PRAG1: variants seen among roughly 807,000 people sequenced by gnomAD.
The protein encoded by PRAG1 is PEAK1 related, kinase-activating pseudokinase 1.
In PRAG1, 110 loss-of-function variants were observed where a neutral mutation model predicts 95.6. That is an observed-to-expected ratio of 1.15 (90% CI 0.99 to 1.35). The LOEUF (loss-of-function observed/expected upper bound fraction) is 1.35, where lower values mean the gene tolerates loss of function less well. PRAG1 is among the 40% of genes most tolerant of loss of function. The pLI, the probability that PRAG1 is intolerant of heterozygous loss-of-function variation, is 0.00. For synonymous variants in PRAG1, 1,052 were observed against 819.4 expected, an observed-to-expected ratio of 1.28 and a Z score of -4.85; for missense variants, 2,554 against 1,864.7, an observed-to-expected ratio of 1.37 and a Z score of -6.81.
In PRAG1 at chr8:8,376,595, G is replaced by T; in HGVS notation, c.1814C>A (p.Ala605Asp). 2 of 1,604,954 alleles carry T rather than the reference G, an allele frequency of 1.2e-6. No homozygotes were observed. Among genetic ancestry groups the T allele is most frequent in the Non-Finnish European group, 1.7e-6 (2 of 1,174,534 alleles). Reference sequence around the variant, plus strand: ...GGGACACCTGGATGGGTCACTGATAGCGACACCGTTGGTCCGGCAGGAAGG... The same window carrying T: ...GGGACACCTGGATGGGTCACTGATATCGACACCGTTGGTCCGGCAGGAAGG... ...PAPSCRTNGV[A>D]ISDPSRCPQP... The change falls in exon 3 of 6, where the codon GCT becomes GAT. Residue 605 changes from alanine (A) to aspartate (D), a missense_variant. By Grantham distance (126) the Ala-to-Asp change is moderately radical. Coordinates refer to ENST00000615670, the MANE Select transcript of PRAG1 (RefSeq NM_001080826.3).
Position 8,318,984 on chromosome 8 carries a change from T to A in PRAG1, c.3391A>T (p.Asn1131Tyr). 1.2e-6 allele frequency: 2 copies of A among 1,613,372 alleles called. No homozygotes were observed. Among genetic ancestry groups the A allele is most frequent in the Non-Finnish European group, 1.7e-6 (2 of 1,179,776 alleles). The change falls in exon 6 of 6, where the codon AAC (asparagine) becomes TAC (tyrosine). Residue 1131 changes from asparagine to tyrosine, a missense_variant. Transcript: ENST00000615670. This position sits in a 1 kb window ranked among gnomAD's most constrained non-coding sequence, Gnocchi z 4.2. The part of the protein sequence containing the change: ...RVCFLLLQLC[N>Y]GLEHLKEHGI... ...TGCTCCTTCAGGTGCTCCAGCCCGT[T>A]GCAGAGTTGCAGAAGCAGGAAGCAC...
intron 5 of PRAG1, among the ~76,000 whole-genome samples, chr8:8,321,007 T>C (rs1425173278): frequency 6.6e-6 from 1 of 152,242 alleles, no homozygotes; most frequent in Non-Finnish European, 1.5e-5. Context: ...ACCCCAGACA[T>C]TGCTTCCTAT....
At chr8:8,384,528 T>A (rs1256798570) in intron 1 of PRAG1, among the ~76,000 whole-genome samples, 1 of 143,848 alleles carries the variant, frequency 7.0e-6, no homozygotes, top group Admixed American at 7.4e-5. Context: ...GCCCTGGGCT[T>A]CCCACTGTCA....
intron 1 of PRAG1, among the ~76,000 whole-genome samples, chr8:8,383,112 T>G (rs776967643): frequency 3.3e-4 from 50 of 152,236 alleles, no homozygotes; most frequent in Admixed American, 1.4e-3. Flanking sequence ...AGTTTGATAA[T>G]CTCTAAACTG....
rs142314265 is a variant in PRAG1, at chr8:8,345,484, C to A, written c.2163-5849G>T. ...TCTTCCAAAACACACGTAGGTGACC[C>A]TTTTGCTTAATAGCAAAATCTTAAG... On this transcript the variant is annotated intron_variant, in intron 3 of 5. Transcript: ENST00000615670. Among the ~76,000 whole-genome samples, 3 of 152,168 alleles carry A rather than the reference C, an allele frequency of 2.0e-5. No homozygotes were observed. In the East Asian group the frequency reaches 5.8e-4, roughly 29 times the overall value.
At chr8:8,338,598 A>G (rs1352436160) in intron 4 of PRAG1, among the ~76,000 whole-genome samples, 2 of 152,224 alleles carry the variant, frequency 1.3e-5, no homozygotes, top group African/African-American at 4.8e-5. Flanking sequence ...TTAAGTAAGA[A>G]CTGTCAGAGG....
intron 2 of PRAG1, 77 bp from the exon 3 acceptor site, chr8:8,378,155 G>A (rs996020183): frequency 6.8e-7 from 1 of 1,466,832 alleles, no homozygotes; most frequent in Non-Finnish European, 9.1e-7. Context: ...AAGTGAGAGG[G>A]AAGGGCAACG....
Position 8,318,997 on chromosome 8 carries a change from AAGC to A in PRAG1, c.3375_3377del (p.Leu1127del). On this transcript the variant is annotated inframe_deletion, in exon 6 of 6. Transcript: ENST00000615670. The surrounding 1 kb of genome is among the most constrained non-coding windows in gnomAD (Gnocchi z 4.2). ...GCTCCAGCCCGTTGCAGAGTTGCAG[AAGC>A]AGGAAGCACACGCGCCGCTCGTACG... The A allele has an allele frequency of 6.2e-7, 1 of 1,613,386 alleles. No homozygotes were observed. The highest frequency in any genetic ancestry group is 8.5e-7 in the Non-Finnish European group (1 of 1,179,782).
intron 3 of PRAG1, among the ~76,000 whole-genome samples, chr8:8,352,593 G>A (rs1051541794): frequency 5.3e-5 from 8 of 152,136 alleles, no homozygotes; most frequent in Admixed American, 1.3e-4. Flanking sequence ...TTCTCTTCCT[G>A]TTAGTTCTTA....
chr8:8,364,761 C>A (rs1331528329), intron 3 of PRAG1, among the ~76,000 whole-genome samples: 4 of 151,876 alleles, frequency 2.6e-5, no homozygotes, highest in African/African-American at 9.7e-5. Context: ...GGTCACGGCT[C>A]CACCTAAAAG....
At chr8:8,319,400 TC>T in intron 5 of PRAG1, 98 bp from the exon 6 acceptor site, 1 of 1,011,178 alleles carries the variant, frequency 9.9e-7, no homozygotes, top group South Asian at 2.0e-5. Context: ...AATAAGCCTA[TC>T]CACATAGGCT....
At chr8:8,350,665 G>C (rs1314981731) in intron 3 of PRAG1, among the ~76,000 whole-genome samples, 1 of 152,212 alleles carries the variant, frequency 6.6e-6, no homozygotes, top group Non-Finnish European at 1.5e-5. Context: ...CAATGATGTG[G>C]TGGTTAAGAG....
At chr8:8,373,964 C>T (rs575133860) in intron 3 of PRAG1, among the ~76,000 whole-genome samples, 19 of 152,246 alleles carry the variant, frequency 1.2e-4, no homozygotes, top group South Asian at 4.2e-4. Flanking sequence ...CTCCAAGCCC[C>T]GAGATTCTTA....
chr8:8,359,449 T>C (rs1476006782), intron 3 of PRAG1, among the ~76,000 whole-genome samples: 4 of 152,196 alleles, frequency 2.6e-5, no homozygotes, highest in Non-Finnish European at 5.9e-5. Flanking sequence ...CGGACCATCC[T>C]TCTAGCCAAT....
intron 3 of PRAG1, among the ~76,000 whole-genome samples, chr8:8,345,741 G>A (rs571492452): frequency 1.5e-4 from 23 of 152,286 alleles, no homozygotes; most frequent in Non-Finnish European, 2.8e-4. Context: ...GTTGCAGTGA[G>A]CTGAGATGGC....
chr8:8,385,990 G>A (rs559371755), intron 1 of PRAG1, among the ~76,000 whole-genome samples: 23 of 152,268 alleles, frequency 1.5e-4, no homozygotes, highest in Admixed American at 9.2e-4. Context: ...GCCTCCGGCC[G>A]CAGACAGAGC....
At chr8:8,345,816 C>G (rs993856920) in intron 3 of PRAG1, among the ~76,000 whole-genome samples, 1 of 151,990 alleles carries the variant, frequency 6.6e-6, no homozygotes, top group South Asian at 2.1e-4. Context: ...AAAATAAAAC[C>G]TTAGGACTGA....
intron 1 of PRAG1, among the ~76,000 whole-genome samples, chr8:8,385,183 G>C (rs1297715922): frequency 2.0e-5 from 3 of 152,150 alleles, no homozygotes; most frequent in African/African-American, 7.2e-5. Context: ...TGCAACGCCA[G>C]TAAAAGGAAA....
At chr8:8,341,854 C>T (rs1377895404) in intron 3 of PRAG1, among the ~76,000 whole-genome samples, 3 of 152,142 alleles carry the variant, frequency 2.0e-5, no homozygotes, top group Non-Finnish European at 2.9e-5. Context: ...AAATGACGGC[C>T]GGATACGGTG....
Sources: allele counts gnomAD v4.1 joint callset (sites outside exome capture counted in the v4.1 genomes callset), GRCh38; gene constraint gnomAD v4.1.1; non-coding constraint Gnocchi (gnomAD v3.1); transcripts MANE v1.5; gene names NCBI Gene and HGNC (gene_info 2026-07-23, HGNC 2026-07-21).